The following PRMT9 variants were observed in gnomAD, a reference collection of about 807,000 sequenced individuals.
The protein encoded by PRMT9 is protein arginine N-methyltransferase 9.
Under a neutral mutation model 83.2 loss-of-function variants are expected in PRMT9, and 59 were observed. That is an observed-to-expected ratio of 0.71 (90% CI 0.57 to 0.88). The LOEUF (loss-of-function observed/expected upper bound fraction) is 0.88. Ranked by LOEUF, PRMT9 falls within the 40% of genes least tolerant of loss-of-function variation. The probability of loss-of-function intolerance (pLI) is 0.00; values close to 1 mark genes in which losing one functional copy is unlikely to be tolerated. For missense variants in PRMT9, 947 were observed against 1,021.9 expected (o/e 0.93, Z 1.00); for synonymous variants, 333 against 353.2 (o/e 0.94, Z 0.64).
At chr4:147,660,480 A>T (rs990596789) in intron 7 of PRMT9, among the ~76,000 whole-genome samples, 3 of 152,114 alleles carry the variant, frequency 2.0e-5, no homozygotes, top group Admixed American at 1.3e-4. Context: ...AAATATAAAA[A>T]TTAGCCGGGC....
chr4:147,647,085 G>T (rs970953419), intron 9 of PRMT9, among the ~76,000 whole-genome samples: 2 of 152,062 alleles, frequency 1.3e-5, no homozygotes. Context: ...CTAAGGAAAG[G>T]CCACAAGGTT....
intron 9 of PRMT9, among the ~76,000 whole-genome samples, chr4:147,653,541 C>T (rs746642306): frequency 6.6e-6 from 1 of 151,726 alleles, no homozygotes; most frequent in Non-Finnish European, 1.5e-5. Context: ...AAAGACTAAT[C>T]CTAAGGCTGG....
intron 5 of PRMT9, among the ~76,000 whole-genome samples, chr4:147,669,424 A>G (rs1003305290): frequency 2.0e-5 from 3 of 152,046 alleles, no homozygotes; most frequent in East Asian, 3.8e-4. Flanking sequence ...ATGAATATAT[A>G]TATTTTTTTC....
At chr4:147,665,386 T>C (rs1159228338) in intron 6 of PRMT9, among the ~76,000 whole-genome samples, 1 of 152,208 alleles carries the variant, frequency 6.6e-6, no homozygotes, top group African/African-American at 2.4e-5. Flanking sequence ...TTAATCTGCT[T>C]AAGATACATA....
intron 2 of PRMT9, among the ~76,000 whole-genome samples, chr4:147,678,089 C>A (rs1017577308): frequency 1.7e-4 from 26 of 152,300 alleles, no homozygotes; most frequent in African/African-American, 6.3e-4. Context: ...CCTGCACAGT[C>A]TAGTGAGCCA....
Position 147,638,607 on chromosome 4 carries a change from C to T in PRMT9, c.2463G>A (p.Gln821=), listed in dbSNP as rs1320112643. Residue 821 remains glutamine, a synonymous_variant, in exon 12 of 12, where the codon CAG becomes CAA. Transcript: ENST00000322396. ...GTACAAGTTCCTCTCCCATTTCAACCTGGATGGGATTATCTAAAACAACTG... is the reference window on the plus strand; with the variant it reads ...GTACAAGTTCCTCTCCCATTTCAACTTGGATGGGATTATCTAAAACAACTG... ...QAAVVLDNPI[Q]VEMGEELVLS... The T allele has an allele frequency of 6.2e-7, 1 of 1,613,808 alleles. No individual in the cohort carries two copies.
intron 10 of PRMT9, among the ~76,000 whole-genome samples, chr4:147,640,521 A>G (rs981116531): frequency 6.6e-6 from 1 of 152,138 alleles, no homozygotes; most frequent in Admixed American, 6.5e-5. Flanking sequence ...TACCAGCTAC[A>G]TGCTGCTAAC....
At chr4:147,672,810 T>C (rs1383301436) in intron 4 of PRMT9, 149 bp downstream of exon 4, 4 of 365,852 alleles carry the variant, frequency 1.1e-5, no homozygotes, top group African/African-American at 2.1e-5. Context: ...TATTTAAATA[T>C]GTCTTATAAT....
chr4:147,639,582 T>A (rs1465507079), intron 10 of PRMT9, among the ~76,000 whole-genome samples: 1 of 149,650 alleles, frequency 6.7e-6, no homozygotes, highest in East Asian at 1.9e-4. Flanking sequence ...CCTGGGGAGG[T>A]TTTTAAAAGC....
At chr4:147,681,388 G>A (rs529011693) in intron 1 of PRMT9, among the ~76,000 whole-genome samples, 1 of 152,326 alleles carries the variant, frequency 6.6e-6, no homozygotes, top group African/African-American at 2.4e-5. Flanking sequence ...AAGAGGGAAA[G>A]CTTTAGTCAT....
At chr4:147,643,771 G>T (rs184293902) in intron 9 of PRMT9, among the ~76,000 whole-genome samples, 3 of 152,290 alleles carry the variant, frequency 2.0e-5, no homozygotes, top group Non-Finnish European at 4.4e-5. Flanking sequence ...AAGGTGAGAG[G>T]ATTGCTTGAG....
rs1271677453 is a variant in PRMT9, at chr4:147,642,945, G to GA, written c.2046-6dup. On this transcript the variant is annotated splice_region_variant and splice_polypyrimidine_tract_variant and intron_variant, in intron 9 of 11. Coordinates refer to ENST00000322396, the MANE Select transcript of PRMT9 (RefSeq NM_138364.4). ...CCTCCAGATTGTAGTAAACACCTAAGAAAAAAAGTACATATTTTAAAAAGC... is the reference window on the plus strand; with the variant it reads ...CCTCCAGATTGTAGTAAACACCTAAGAAAAAAAAGTACATATTTTAAAAAGC... 6 of 1,613,370 alleles carry GA rather than the reference G, an allele frequency of 3.7e-6. No individual in the cohort carries two copies. The Admixed American group carries it at 6.7e-5, about 18-fold the overall frequency.
intron 9 of PRMT9, 75 bp downstream of exon 9, chr4:147,653,777 A>C: frequency 9.7e-7 from 1 of 1,026,698 alleles, no homozygotes; most frequent in Non-Finnish European, 1.5e-6. Context: ...TAAGCGATTA[A>C]AGAACTTAAG....
Position 147,684,018 on chromosome 4 carries a change from G to A in PRMT9, c.-31C>T. ...TCACCACTTGTATGGCCAAAGGGAA[G>A]ATATTTTGTAAACGTAATTAGAAAA... is the stretch of plus-strand genomic sequence containing the variant. On this transcript the variant is annotated 5_prime_UTR_variant, in exon 1 of 12. Transcript: ENST00000322396. 6.2e-7 allele frequency: 1 copy of A among 1,605,774 alleles called. No homozygotes were observed. Among genetic ancestry groups the A allele is most frequent in the Non-Finnish European group, 8.5e-7 (1 of 1,175,516 alleles).
Position 147,653,981 on chromosome 4 carries a change from T to C in PRMT9, c.1916A>G (p.His639Arg), listed in dbSNP as rs1384754140. The C allele has an allele frequency of 7.4e-6, 12 of 1,614,134 alleles. No individual in the cohort carries two copies. The highest frequency in any genetic ancestry group is 1.0e-5 in the Non-Finnish European group (12 of 1,179,980). ...TAACATAGCAGATTCATCCTCCACA[T>C]GTCTCAGCCAAAACTCAAGTGTTTC... ...PKETLEFWLRHVEDESAMLQR... is the reference protein window; with the variant it reads ...PKETLEFWLRRVEDESAMLQR... Residue 639 changes from histidine (H) to arginine (R), a missense_variant, in exon 9 of 12, where the codon CAT becomes CGT. Physicochemically the swap from His to Arg is conservative, Grantham distance 29 (BLOSUM62 0). Coordinates refer to ENST00000322396, the MANE Select transcript of PRMT9 (RefSeq NM_138364.4).
intron 4 of PRMT9, among the ~76,000 whole-genome samples, chr4:147,672,223 C>T (rs557635030): frequency 6.6e-6 from 1 of 152,280 alleles, no homozygotes; most frequent in Non-Finnish European, 1.5e-5. Context: ...AAGATAAATA[C>T]TATTATATGT....
chr4:147,668,497 G>A, intron 6 of PRMT9, 42 bp downstream of exon 6: 1 of 1,142,608 alleles, frequency 8.8e-7, no homozygotes. Flanking sequence ...CCAATCTTGG[G>A]AGGTGCTTTA....
chr4:147,658,030 C>G, intron 7 of PRMT9, 55 bp from the exon 8 acceptor site: 1 of 1,201,204 alleles, frequency 8.3e-7, no homozygotes, highest in Non-Finnish European at 1.2e-6. Flanking sequence ...ATATACTTGC[C>G]TCAGTATCTT....
intron 1 of PRMT9, 92 bp downstream of exon 1, chr4:147,683,707 C>G (rs1312737246): frequency 7.5e-7 from 1 of 1,329,798 alleles, no homozygotes; most frequent in Non-Finnish European, 1.1e-6. Flanking sequence ...ACCCAGGCAC[C>G]CTAGCCCCTC....
Sources: allele counts gnomAD v4.1 joint callset (sites outside exome capture counted in the v4.1 genomes callset), GRCh38; gene constraint gnomAD v4.1.1; transcripts MANE v1.5; gene names NCBI Gene and HGNC (gene_info 2026-07-23, HGNC 2026-07-21).